Variants in PSME4 observed in about 807,000 individuals in gnomAD.
The protein encoded by PSME4 is proteasome activator complex subunit 4.
Under a neutral mutation model 253.9 loss-of-function variants are expected in PSME4, and 89 were observed. The observed-to-expected ratio is 0.35, with a 90% CI of 0.30 to 0.42. The LOEUF (loss-of-function observed/expected upper bound fraction) is 0.42, where lower values mean the gene tolerates loss of function less well. Among genes scored for constraint, PSME4 ranks in the 10% least tolerant of loss-of-function variants. PSME4 has a pLI of 1.00. For missense variants in PSME4, 2,014 were observed against 2,195.2 expected (o/e 0.92, Z 1.65); for synonymous variants, 851 against 759.2 (o/e 1.12, Z -1.99).
intron 20 of PSME4, among the ~76,000 whole-genome samples, chr2:53,914,226 A>C (rs1667956277): frequency 6.6e-6 from 1 of 152,172 alleles, no homozygotes. Flanking sequence ...AGCTGGTTAG[A>C]CCTAAAAGAT....
At chr2:53,935,537 A>C (rs1324934448) in intron 7 of PSME4, among the ~76,000 whole-genome samples, 1 of 152,224 alleles carries the variant, frequency 6.6e-6, no homozygotes, top group Non-Finnish European at 1.5e-5. Context: ...TATTTACTCT[A>C]AGAAAATATA....
intron 40 of PSME4, 149 bp downstream of exon 40, chr2:53,887,110 T>C (rs1196168417): frequency 6.1e-6 from 4 of 658,976 alleles, no homozygotes; most frequent in African/African-American, 5.5e-5. Flanking sequence ...ATGTACTTAA[T>C]GCCACTGAAC....
intron 24 of PSME4, 91 bp from the exon 25 acceptor site, chr2:53,906,959 A>T: frequency 8.6e-7 from 1 of 1,168,374 alleles, no homozygotes; most frequent in Non-Finnish European, 1.3e-6. Flanking sequence ...AGTGGTCAAA[A>T]AGGTCCCTGG....
intron 1 of PSME4, among the ~76,000 whole-genome samples, chr2:53,961,020 T>C (rs1270220071): frequency 6.6e-6 from 1 of 152,114 alleles, no homozygotes; most frequent in East Asian, 1.9e-4. Context: ...GGCAGGAGAA[T>C]CGCTTGAACC....
intron 10 of PSME4, 46 bp downstream of exon 10, chr2:53,931,789 C>T: frequency 5.6e-6 from 9 of 1,597,532 alleles, no homozygotes; most frequent in South Asian, 1.1e-5. Context: ...CTGAACAGAC[C>T]AAAAGAAAAA....
Position 53,925,582 on chromosome 2 carries a change from G to T in PSME4, c.1766C>A (p.Thr589Lys). ...ESLVELGLSSTFSTILTQCSK... is the reference protein window; with the variant it reads ...ESLVELGLSSKFSTILTQCSK... ...ACATTGGGTGAGGATTGTACTAAAC[G>T]TAGAAGACAGACCTAATTCGACCAA... Residue 589 changes from threonine to lysine, a missense_variant, in exon 14 of 47, where the codon ACG becomes AAG. Coordinates refer to ENST00000404125, the MANE Select transcript of PSME4 (RefSeq NM_014614.3). 6.2e-7 allele frequency: 1 copy of T among 1,605,226 alleles called. No homozygotes were observed. The highest frequency in any genetic ancestry group is 8.5e-7 in the Non-Finnish European group (1 of 1,172,748).
rs538134722 is a variant in PSME4, at chr2:53,904,237, A to C, written c.2944-81T>G. On this transcript the variant is annotated intron_variant, in intron 26 of 46. Transcript: ENST00000404125. ...TTTAAAACAAATTATCAAAAACAGTAATGATAATTTACATGTTTTTCTCAT... is the reference window on the plus strand; with the variant it reads ...TTTAAAACAAATTATCAAAAACAGTCATGATAATTTACATGTTTTTCTCAT... 4.5e-6 allele frequency: 6 copies of C among 1,333,594 alleles called. 1 individual carries two copies. In the South Asian group the frequency reaches 9.2e-5, roughly 20 times the overall value. 82.6% of individuals were successfully genotyped at this position (1,333,594 alleles called of 1,614,324 possible).
chr2:53,906,547 C>A (rs746221412), intron 26 of PSME4, 51 bp downstream of exon 26: 9 of 1,449,262 alleles, frequency 6.2e-6, no homozygotes, highest in South Asian at 1.7e-5. Context: ...ATTAAGATTG[C>A]ATGTAATAAA....
At chr2:53,871,496 C>T (rs1008469603) in intron 43 of PSME4, among the ~76,000 whole-genome samples, 16 of 151,744 alleles carry the variant, frequency 1.1e-4, no homozygotes, top group Non-Finnish European at 2.4e-4. Flanking sequence ...CCTCGTGATC[C>T]GCCCACCTCG....
In PSME4 at chr2:53,970,736, C is replaced by G. The variant is rs1209103978; in HGVS notation, c.49G>C (p.Gly17Arg). The change falls in exon 1 of 47, where the codon GGG (glycine) becomes CGG (arginine). Residue 17 changes from glycine (G) to arginine (R), a missense_variant. Transcript: ENST00000404125. Reference sequence around the variant, plus strand: ...CCCCGCGGGCCCGGCTCGGGACGCCCGCCCGGCTCCGGGGGCTCTCCGACT... The same window carrying G: ...CCCCGCGGGCCCGGCTCGGGACGCCGGCCCGGCTCCGGGGGCTCTCCGACT... ...AGVGEPPEPG[G>R]RPEPGPRGFV... 2 of 1,547,156 alleles carry G rather than the reference C, an allele frequency of 1.3e-6. No individual in the cohort carries two copies. Among genetic ancestry groups the G allele is most frequent in the Non-Finnish European group, 1.7e-6 (2 of 1,145,856 alleles).
At chr2:53,883,555 G>A (rs1393053864) in intron 41 of PSME4, among the ~76,000 whole-genome samples, 1 of 152,120 alleles carries the variant, frequency 6.6e-6, no homozygotes, top group Non-Finnish European at 1.5e-5. Context: ...TATGAATGTT[G>A]TTGACCATCC....
chr2:53,931,999 A>G lies in PSME4; in HGVS notation c.1152T>C (p.Asp384=). The G allele has an allele frequency of 3.1e-6, 5 of 1,613,826 alleles. No individual in the cohort carries two copies. The highest frequency in any genetic ancestry group is 3.4e-6 in the Non-Finnish European group (4 of 1,179,688). Residue 384 remains aspartate, a synonymous_variant, in exon 10 of 47, where the codon GAT becomes GAC. Coordinates refer to ENST00000404125, the MANE Select transcript of PSME4 (RefSeq NM_014614.3). The stretch of plus-strand genomic sequence containing the variant: ...CATCTTGATCAGTAAGCTTGTGGCT[A>G]TCAGGCACAGGAGTTAACCAAGAGG... The part of the protein sequence containing the change: ...KKPSWLTPVP[D]SHKLTDQDVT...
intron 27 of PSME4, among the ~76,000 whole-genome samples, 169 bp downstream of exon 27, chr2:53,903,856 C>G (rs1007281347): frequency 8.0e-6 from 1 of 125,626 alleles, no homozygotes; most frequent in African/African-American, 3.0e-5. Context: ...CTTCAATTTA[C>G]TTTGAAATAC....
chr2:53,881,920 G>A (rs1304890539), intron 41 of PSME4, among the ~76,000 whole-genome samples: 2 of 152,016 alleles, frequency 1.3e-5, no homozygotes, highest in South Asian at 2.1e-4. Context: ...CTATTTACCC[G>A]AAAGCCAGGA....
At chr2:53,961,640 T>G (rs1197658960) in intron 1 of PSME4, among the ~76,000 whole-genome samples, 1 of 152,124 alleles carries the variant, frequency 6.6e-6, no homozygotes, top group African/African-American at 2.4e-5. Flanking sequence ...ACAGCGCCAC[T>G]GCACTCCAAC....
chr2:53,875,784 T>G, intron 41 of PSME4, 29 bp from the exon 42 acceptor site: 1 of 1,599,456 alleles, frequency 6.3e-7, no homozygotes, highest in Non-Finnish European at 8.5e-7. Flanking sequence ...AGGACAAAAA[T>G]GGAAAAATAA....
At chr2:53,929,381 T>C (rs1668718541) in intron 10 of PSME4, among the ~76,000 whole-genome samples, 1 of 152,060 alleles carries the variant, frequency 6.6e-6, no homozygotes, top group African/African-American at 2.4e-5. Context: ...AGCCTCCACA[T>C]TGCCCAGATC....
At chr2:53,885,620 T>A in intron 41 of PSME4, 70 bp downstream of exon 41, 1 of 1,139,014 alleles carries the variant, frequency 8.8e-7, no homozygotes, top group Non-Finnish European at 1.3e-6. Flanking sequence ...ACTTCAACCA[T>A]CAGATGATGA....
At chr2:53,893,879 G>T in intron 34 of PSME4, 80 bp from the exon 35 acceptor site, 2 of 1,454,102 alleles carry the variant, frequency 1.4e-6, no homozygotes, top group Non-Finnish European at 9.0e-7. Flanking sequence ...AAAATTACAA[G>T]ATTTTGATAG....
Sources: gnomAD v4.1 joint callset for allele counts (sites outside exome capture counted in the v4.1 genomes callset) on GRCh38, gnomAD v4.1.1 for gene constraint, MANE v1.5 for transcripts, NCBI Gene and HGNC (gene_info 2026-07-23, HGNC 2026-07-21) for gene names.